Variants in PTPRD observed in about 807,000 individuals in gnomAD.
PTPRD encodes receptor-type tyrosine-protein phosphatase delta.
In PTPRD, 34 loss-of-function variants were observed where a neutral mutation model predicts 214.5. The ratio of observed to expected loss-of-function variants is 0.16; its 90% CI spans 0.12 to 0.21. PTPRD has a LOEUF of 0.21. Ranked by LOEUF, PTPRD falls within the 10% of genes least tolerant of loss-of-function variation. The pLI, the probability that PTPRD is intolerant of heterozygous loss-of-function variation, is 1.00. For missense variants in PTPRD, 2,545 were observed against 2,398.7 expected, an observed-to-expected ratio of 1.06 and a Z score of -1.27; for synonymous variants, 1,128 against 845.7, an observed-to-expected ratio of 1.33 and a Z score of -5.79.
chr9:8,919,588 C>T (rs960306302), intron 11 of PTPRD, among the ~76,000 whole-genome samples: 1 of 152,104 alleles, frequency 6.6e-6, no homozygotes, highest in Admixed American at 6.5e-5. Context: ...CTGTGTCATG[C>T]AGAAACATCT....
At chr9:9,088,350 G>A (rs2099770434) in intron 10 of PTPRD, among the ~76,000 whole-genome samples, 1 of 151,620 alleles carries the variant, frequency 6.6e-6, no homozygotes, top group African/African-American at 2.4e-5. Context: ...CACTTTGGGA[G>A]GCCGAGGCAG....
chr9:9,810,190 A>ATTTTG (rs1286066064), intron 5 of PTPRD, among the ~76,000 whole-genome samples: 1 of 150,906 alleles, frequency 6.6e-6, no homozygotes, highest in Non-Finnish European at 1.5e-5. Context: ...TTTAAGAAGC[A>ATTTTG]TTTTATTTTG....
Position 8,542,229 on chromosome 9 carries a change from C to T in PTPRD, c.353-13450G>A, listed in dbSNP as rs567543732. Among the ~76,000 whole-genome samples, 3 of 152,164 alleles carry T rather than the reference C, an allele frequency of 2.0e-5. No homozygotes were observed. The South Asian group carries it at 6.2e-4, about 32-fold the overall frequency. ...ACTTCGGTGCTTGCGGGCATGTGTA[C>T]TGGGAGTGTATGTCGCTTATCACAA... On this transcript the variant is annotated intron_variant, in intron 14 of 45. Transcript: ENST00000381196.
chr9:9,898,320 A>T (rs189069543), intron 5 of PTPRD, among the ~76,000 whole-genome samples: 62 of 152,202 alleles, frequency 4.1e-4, no homozygotes, highest in Non-Finnish European at 7.8e-4. Context: ...ATGCTAGCCT[A>T]TTTAATGAAG....
At chr9:9,265,373 C>G (rs1183894685) in intron 9 of PTPRD, among the ~76,000 whole-genome samples, 3 of 151,580 alleles carry the variant, frequency 2.0e-5, no homozygotes, top group East Asian at 2.0e-4. Flanking sequence ...GTGATGCTGC[C>G]CTACTGAATA....
At chr9:9,216,382 T>A (rs2133128344) in intron 9 of PTPRD, among the ~76,000 whole-genome samples, 1 of 152,316 alleles carries the variant, frequency 6.6e-6, no homozygotes, top group East Asian at 1.9e-4. Context: ...TACTACTTGC[T>A]TCGCAGGGTT....
chr9:9,338,846 C>G (rs1298743244), intron 9 of PTPRD, among the ~76,000 whole-genome samples: 1 of 152,150 alleles, frequency 6.6e-6, no homozygotes, highest in Non-Finnish European at 1.5e-5. Context: ...TCCCCTACCC[C>G]CTCACCCCTC....
intron 2 of PTPRD, among the ~76,000 whole-genome samples, chr9:10,568,004 C>T (rs1314126857): frequency 4.6e-5 from 7 of 151,006 alleles, no homozygotes; most frequent in South Asian, 4.2e-4. Context: ...TTAGGGTACA[C>T]TTGCACAACG....
intron 11 of PTPRD, among the ~76,000 whole-genome samples, chr9:8,850,114 G>T (rs947099613): frequency 1.3e-5 from 2 of 152,118 alleles, no homozygotes; most frequent in African/African-American, 4.8e-5. Flanking sequence ...AAGAGAAATA[G>T]ATATGGATGG....
At chr9:9,797,979 G>A (rs868699505) in intron 5 of PTPRD, among the ~76,000 whole-genome samples, 4 of 152,184 alleles carry the variant, frequency 2.6e-5, no homozygotes, top group African/African-American at 9.7e-5. Context: ...ATACACGAAT[G>A]TTCTTGATCA....
At chr9:8,946,799 T>C (rs971821446) in intron 11 of PTPRD, among the ~76,000 whole-genome samples, 10 of 152,114 alleles carry the variant, frequency 6.6e-5, no homozygotes, top group African/African-American at 1.9e-4. Context: ...TCAATTACTG[T>C]GACCCTTTGT....
chr9:9,025,384 T>A (rs1424250784), intron 10 of PTPRD, among the ~76,000 whole-genome samples: 3 of 152,006 alleles, frequency 2.0e-5, no homozygotes, highest in African/African-American at 7.2e-5. Flanking sequence ...TGTGACTTCT[T>A]TGAGCTCAGT....
intron 10 of PTPRD, among the ~76,000 whole-genome samples, chr9:9,044,033 T>C (rs1255874805): frequency 6.6e-6 from 1 of 152,180 alleles, no homozygotes; most frequent in Admixed American, 6.6e-5. Flanking sequence ...TCAATTTAAA[T>C]AAGAGCTAAT....
chr9:9,060,063 T>G (rs1407382436), intron 10 of PTPRD, among the ~76,000 whole-genome samples: 1 of 152,218 alleles, frequency 6.6e-6, no homozygotes, highest in Non-Finnish European at 1.5e-5. Context: ...AAGTTGACTT[T>G]AAAATTTATT....
At chr9:10,427,135 T>C (rs1439129698) in intron 2 of PTPRD, among the ~76,000 whole-genome samples, 2 of 149,442 alleles carry the variant, frequency 1.3e-5, no homozygotes, top group African/African-American at 2.6e-5. Context: ...ATTCAGTAGA[T>C]AAATCTATTT....
At chr9:8,380,255 T>G (rs1464053831) in intron 37 of PTPRD, among the ~76,000 whole-genome samples, 2 of 152,162 alleles carry the variant, frequency 1.3e-5, no homozygotes, top group East Asian at 3.9e-4. Flanking sequence ...CCTCAATCCA[T>G]TAGCCTTACT....
rs149246492 is a variant in PTPRD, at chr9:9,813,074, G to A, written c.-367-46223C>T. 3.8e-3 allele frequency among the ~76,000 whole-genome samples: 573 copies of A among 151,846 alleles called. 3 individuals carry two copies. Among genetic ancestry groups the A allele is most frequent in the African/African-American group, 0.013 (551 of 41,472 alleles). On this transcript the variant is annotated intron_variant, in intron 5 of 45. Coordinates refer to ENST00000381196, the MANE Select transcript of PTPRD (RefSeq NM_002839.4). ...TTAATGCAATCAATGGGCCAAAGAA[G>A]AAATCAAAAAGTATAAGGAGACAAA...
intron 9 of PTPRD, among the ~76,000 whole-genome samples, chr9:9,260,227 T>TA (rs2099979483): frequency 6.6e-6 from 1 of 151,768 alleles, no homozygotes; most frequent in Non-Finnish European, 1.5e-5. Context: ...CTGGGCTGAA[T>TA]AAAAGCAAAC....
rs368904237 is a variant in PTPRD at position 9,977,911 on chromosome 9, T to A, written c.-471-39301A>T. On this transcript the variant is annotated intron_variant, in intron 4 of 45. Coordinates refer to ENST00000381196, the MANE Select transcript of PTPRD (RefSeq NM_002839.4). Reference sequence around the variant, plus strand: ...ACATAATATGGCATTTGAAAAAATATATTTAACATACCTTTCCAGAAAAAA... The same window carrying A: ...ACATAATATGGCATTTGAAAAAATAAATTTAACATACCTTTCCAGAAAAAA... Among the ~76,000 whole-genome samples the A allele has an allele frequency of 6.5e-4, 92 of 141,686 alleles. 2 individuals carry two copies. In the South Asian group the frequency reaches 0.021, roughly 33 times the overall value. The allele number at this position is 141,686 out of a possible 152,430, so 93.0% of individuals were successfully genotyped here. A position where few individuals can be genotyped will look rare whatever the true frequency, so the allele number is the denominator to read the frequency against.
Sources: allele counts gnomAD v4.1 joint callset (sites outside exome capture counted in the v4.1 genomes callset), GRCh38; gene constraint gnomAD v4.1.1; transcripts MANE v1.5; gene names NCBI Gene and HGNC (gene_info 2026-07-23, HGNC 2026-07-21).